ZNF610: variants seen among roughly 807,000 people sequenced by gnomAD.
The protein encoded by ZNF610 is zinc finger protein 610, also known as zink finger protein.
In ZNF610, 14 loss-of-function variants were observed where a neutral mutation model predicts 14.1. That is an observed-to-expected ratio of 0.99 (90% confidence interval 0.65 to 1.55). ZNF610 has a LOEUF of 1.55. Ranked by LOEUF, ZNF610 falls within the 40% of genes most tolerant of loss-of-function variation. ZNF610 has a pLI of 0.00. For missense variants in ZNF610, 530 were observed against 558.0 expected, an observed-to-expected ratio of 0.95 and a Z score of 0.51; for synonymous variants, 185 against 187.6, an observed-to-expected ratio of 0.99 and a Z score of 0.11.
At chr19:52,334,528 T>C (rs1240566942), upstream of ZNF610, among the ~76,000 whole-genome samples, 1 of 151,736 alleles carries the variant, frequency 6.6e-6, no homozygotes, top group African/African-American at 2.4e-5. Flanking sequence ...TAAAATAAAA[T>C]AAAGTAATTT....
intron 3 of ZNF610, among the ~76,000 whole-genome samples, chr19:52,351,978 G>A (rs1985277255): frequency 6.6e-6 from 1 of 152,160 alleles, no homozygotes; most frequent in Non-Finnish European, 1.5e-5. Flanking sequence ...AACTTGCTAA[G>A]GACCTTCTGG....
chr19:52,357,721 C>G (rs1026587086), intron 5 of ZNF610, among the ~76,000 whole-genome samples: 1 of 150,878 alleles, frequency 6.6e-6, no homozygotes, highest in African/African-American at 2.4e-5. Flanking sequence ...GTCCCAGCTA[C>G]TCAAGAGGAC....
chr19:52,358,496 G>GTTA (rs1252779688), intron 5 of ZNF610, among the ~76,000 whole-genome samples: 8 of 152,112 alleles, frequency 5.3e-5, no homozygotes, highest in Non-Finnish European at 8.8e-5. Context: ...TTTTCTATTT[G>GTTA]TTAATCAGGT....
chr19:52,345,829 C>T (rs1159177634), intron 1 of ZNF610, among the ~76,000 whole-genome samples: 2 of 151,328 alleles, frequency 1.3e-5, no homozygotes, highest in East Asian at 3.9e-4. Context: ...CTCAGCCTCC[C>T]GAGTAGCTGG....
At chr19:52,361,232 G>A (rs1985759589) in intron 5 of ZNF610, among the ~76,000 whole-genome samples, 1 of 150,314 alleles carries the variant, frequency 6.7e-6, no homozygotes, top group Non-Finnish European at 1.5e-5. Context: ...AGGCTGGAGT[G>A]CACTGGCGCG....
intron 5 of ZNF610, among the ~76,000 whole-genome samples, chr19:52,359,261 TA>T (rs1287910849): frequency 4.6e-5 from 7 of 152,226 alleles, no homozygotes; most frequent in African/African-American, 1.7e-4. Context: ...TTACAATCCA[TA>T]AACATGGGCT....
rs1187632300 is a variant in ZNF610 at position 52,347,852 on chromosome 19, A to G, written c.-112A>G. On this transcript the variant is annotated 5_prime_UTR_variant, in exon 2 of 6. Coordinates refer to ENST00000403906, the MANE Select transcript of ZNF610 (RefSeq NM_001161425.2). ...ATTCGGTATTTATAAAATCTACAGT[A>G]GTACACAGTTATGTCGTAGGCCATC... 6.6e-6 allele frequency: 1 copy of G among 152,196 alleles called. No homozygotes were observed. The highest frequency in any genetic ancestry group is 1.5e-5 in the Non-Finnish European group (1 of 68,050). 9.4% of individuals were successfully genotyped at this position (152,196 alleles called of 1,614,324 possible).
At position 52,367,026 on chromosome 19, in the gene ZNF610, A is replaced by G. The variant is rs992893099; in HGVS notation, c.*259A>G. ...CCAGTATAGCATATTCTTGAGTAGG[A>G]TTCACATTTAACTGCTGGCACCGTA... On this transcript the variant is annotated 3_prime_UTR_variant, in exon 6 of 6. Coordinates refer to ENST00000403906, the MANE Select transcript of ZNF610 (RefSeq NM_001161425.2). 9 of 400,102 alleles carry G rather than the reference A, an allele frequency of 2.2e-5. No homozygotes were observed. The highest frequency in any genetic ancestry group is 4.0e-5 in the Non-Finnish European group (9 of 226,624). 24.8% of individuals were successfully genotyped at this position (400,102 alleles called of 1,614,324 possible). A position where few individuals can be genotyped will look rare whatever the true frequency, so the allele number is the denominator to read the frequency against.
intron 1 of ZNF610, among the ~76,000 whole-genome samples, chr19:52,339,211 T>G (rs142071304): frequency 3.9e-5 from 6 of 152,016 alleles, no homozygotes; most frequent in African/African-American, 1.2e-4. Flanking sequence ...GTTTTACACC[T>G]AGACATTCTA....
At chr19:52,361,739 C>T (rs1294261341) in intron 5 of ZNF610, among the ~76,000 whole-genome samples, 1 of 152,040 alleles carries the variant, frequency 6.6e-6, no homozygotes, top group Admixed American at 6.6e-5. Context: ...GGATTACAGG[C>T]GTGAAACACT....
chr19:52,356,347 T>C (rs1285654158), intron 5 of ZNF610, among the ~76,000 whole-genome samples: 2 of 152,188 alleles, frequency 1.3e-5, no homozygotes, highest in African/African-American at 4.8e-5. Flanking sequence ...TGGCACAAAA[T>C]AGCAACCAGA....
chr19:52,350,271 C>G (rs778502958), intron 3 of ZNF610, among the ~76,000 whole-genome samples: 1 of 152,218 alleles, frequency 6.6e-6, no homozygotes, highest in African/African-American at 2.4e-5. Flanking sequence ...CCATCAAATA[C>G]GAAGCCTCCC....
chr19:52,345,975 A>C (rs1295300742), intron 1 of ZNF610, among the ~76,000 whole-genome samples: 3 of 150,256 alleles, frequency 2.0e-5, no homozygotes, highest in Non-Finnish European at 4.4e-5. Context: ...AAGTGCTGGG[A>C]TTACAGGCGT....
At position 52,349,114 on chromosome 19, in the gene ZNF610, G is replaced by T. The variant is rs993616764; in HGVS notation, c.-19-40G>T. The T allele has an allele frequency of 2.7e-6, 4 of 1,469,850 alleles. No homozygotes were observed. The South Asian group carries it at 4.6e-5, about 17-fold the overall frequency. The allele number at this position is 1,469,850 out of a possible 1,614,324, so 91.1% of individuals were successfully genotyped here. On this transcript the variant is annotated intron_variant, in intron 2 of 5. Transcript: ENST00000403906. ...GGTTGTGGCATAGGGAGGGGAATGTGTTGATTCCGAGCAGTAATCAGTGTA... is the reference window on the plus strand; with the variant it reads ...GGTTGTGGCATAGGGAGGGGAATGTTTTGATTCCGAGCAGTAATCAGTGTA...
chr19:52,350,448 C>T (rs1985196260), intron 3 of ZNF610, among the ~76,000 whole-genome samples: 2 of 151,920 alleles, frequency 1.3e-5, no homozygotes, highest in Admixed American at 6.6e-5. Context: ...GAGGCCGAGG[C>T]GGACAGATCA....
At chr19:52,331,973 A>G (rs1472685765), upstream of ZNF610, among the ~76,000 whole-genome samples, 1 of 152,222 alleles carries the variant, frequency 6.6e-6, no homozygotes, top group Admixed American at 6.5e-5. Flanking sequence ...CACCCTGAAC[A>G]GCGACAGTGG....
Position 52,365,801 on chromosome 19 carries a change from C to G in ZNF610, c.423C>G (p.Ala141=). The change falls in exon 6 of 6, where the codon GCC becomes GCG. Residue 141 remains alanine, a synonymous_variant. Transcript: ENST00000403906. The part of the protein sequence containing the change: ...AHLSELQLFQ[A]GRKIYRSNQV... ...TGTCTGAATTGCAGCTGTTTCAAGC[C>G]GGAAGGAAAATTTACAGAAGTAATC... is the stretch of plus-strand genomic sequence containing the variant. 1 of 1,614,072 alleles carries G rather than the reference C, an allele frequency of 6.2e-7. No homozygotes were observed. Among genetic ancestry groups the G allele is most frequent in the Non-Finnish European group, 8.5e-7 (1 of 1,180,022 alleles).
At position 52,352,839 on chromosome 19, in the gene ZNF610, TTTTG is replaced by T. The variant is rs1482536236; in HGVS notation, c.64-831_64-828del. 3.3e-5 allele frequency among the ~76,000 whole-genome samples: 5 copies of T among 151,988 alleles called. No homozygotes were observed. In the East Asian group the frequency reaches 5.8e-4, roughly 18 times the overall value. On this transcript the variant is annotated intron_variant, in intron 3 of 5. Transcript: ENST00000403906. ...ATGTTCTTGTTTAATATCATGTTTT[TTTTG>T]TTTGTTTGTTTTCCAATTTCATTCT...
rs1986028896 is a variant in ZNF610 at position 52,366,120 on chromosome 19, G to A, written c.742G>A (p.Val248Ile). The change falls in exon 6 of 6, where the codon GTA (valine) becomes ATA (isoleucine). Residue 248 changes from valine to isoleucine, a missense_variant. Coordinates refer to ENST00000403906, the MANE Select transcript of ZNF610 (RefSeq NM_001161425.2). ...GGTCTTCAGTCGCAATTCACACCTT[G>A]TAGAACATTGGAGAATTCATACTGG... Reference protein sequence around the residue: ...GKVFSRNSHLVEHWRIHTGQK... With the variant: ...GKVFSRNSHLIEHWRIHTGQK... 5 of 1,613,942 alleles carry A rather than the reference G, an allele frequency of 3.1e-6. No individual in the cohort carries two copies. The highest frequency in any genetic ancestry group is 1.3e-5 in the African/African-American group (1 of 74,996).
Sources: allele counts gnomAD v4.1 joint callset (sites outside exome capture counted in the v4.1 genomes callset), GRCh38; gene constraint gnomAD v4.1.1; transcripts MANE v1.5; gene names NCBI Gene and HGNC (gene_info 2026-07-23, HGNC 2026-07-21).